The following SERPINA3 variants were observed in gnomAD, a reference collection of about 807,000 sequenced individuals.
SERPINA3 encodes the protein alpha-1-antichymotrypsin.
In SERPINA3, 32 loss-of-function variants were observed where a neutral mutation model predicts 26.8. The ratio of observed to expected loss-of-function variants is 1.20; its 90% CI spans 0.90 to 1.61. The LOEUF (loss-of-function observed/expected upper bound fraction) is 1.61. SERPINA3 is among the 40% of genes most tolerant of loss of function. The pLI is 0.00. For synonymous variants in SERPINA3, 252 were observed against 206.4 expected (o/e 1.22, Z -1.89); for missense variants, 632 against 517.9 (o/e 1.22, Z -2.14).
chr14:94,618,022 CT>C (rs1407542607), intron 2 of SERPINA3: 4 of 152,128 alleles, frequency 2.6e-5, no homozygotes, highest in Non-Finnish European at 5.9e-5. Context: ...TTCCTGACCC[CT>C]GTTCTAGGGG....
intron 4 of SERPINA3, chr14:94,622,728 G>A: frequency 1.7e-6 from 1 of 579,014 alleles, no homozygotes; most frequent in South Asian, 1.9e-5. Context: ...GAATCAGAGA[G>A]CCATGGACAC....
chr14:94,619,136 G>A, intron 2 of SERPINA3, 59 bp from the exon 3 acceptor site: 7 of 1,602,160 alleles, frequency 4.4e-6, no homozygotes, highest in Non-Finnish European at 6.0e-6. Flanking sequence ...TGCGGAAGCA[G>A]GGTCGAGCAG....
chr14:94,620,998 C>A (rs1448446455), intron 3 of SERPINA3, among the ~76,000 whole-genome samples: 3 of 152,164 alleles, frequency 2.0e-5, no homozygotes, highest in Non-Finnish European at 4.4e-5. Flanking sequence ...CCTGTTTTCA[C>A]TGGGTGATTG....
rs1484156842 is a variant in SERPINA3, at chr14:94,614,523, C to A, written c.82C>A (p.Pro28Thr). ...CPAVLCHPNS[P>T]LDEENLTQEN... The stretch of plus-strand genomic sequence containing the variant: ...TGCTGTCCTCTGCCACCCTAACAGC[C>A]CACTTGACGAGGAGAATCTGACCCA... The change falls in exon 2 of 5, where the codon CCA (proline) becomes ACA (threonine). Residue 28 changes from proline to threonine, a missense_variant. Coordinates refer to ENST00000393078, the MANE Select transcript of SERPINA3 (RefSeq NM_001085.5). 6.2e-7 allele frequency: 1 copy of A among 1,613,934 alleles called. No individual in the cohort carries two copies. Among genetic ancestry groups the A allele is most frequent in the Non-Finnish European group, 8.5e-7 (1 of 1,179,832 alleles).
At chr14:94,622,271 G>T (rs2139965156) in intron 3 of SERPINA3, 70 bp from the exon 4 acceptor site, 2 of 1,448,210 alleles carry the variant, frequency 1.4e-6, no homozygotes, top group Non-Finnish European at 1.9e-6. Flanking sequence ...GGAAGACCAT[G>T]CTGCGAGGTG....
chr14:94,615,127 G>A (rs188321980), intron 2 of SERPINA3, 43 bp downstream of exon 2: 27 of 1,603,272 alleles, frequency 1.7e-5, no homozygotes, highest in Non-Finnish European at 2.2e-5. Context: ...TGGATCTCAG[G>A]GCCATTTCTG....
At chr14:94,613,157 CTCCCCTCCT>C (rs543683318) in intron 1 of SERPINA3, among the ~76,000 whole-genome samples, 2,270 of 150,728 alleles carry the variant, frequency 0.015, 43 homozygotes, top group African/African-American at 0.05. Flanking sequence ...TTCCACTGGC[CTCCCCTCCT>C]TCCCCTCCTT....
At chr14:94,619,050 C>T in intron 2 of SERPINA3, 145 bp from the exon 3 acceptor site, 2 of 903,448 alleles carry the variant, frequency 2.2e-6, no homozygotes, top group South Asian at 1.3e-5. Context: ...CCCCCAATAA[C>T]TTTTACTCTT....
Position 94,623,991 on chromosome 14 carries a change from C to A in SERPINA3, c.*177C>A, listed in dbSNP as rs1886304644. ...TGTGTAGCTCTCACATGCACAGGGG[C>A]CCATGGACTCTTCAGTCTGGAGGGT... On this transcript the variant is annotated 3_prime_UTR_variant, in exon 5 of 5. Transcript: ENST00000393078. 1 of 668,500 alleles carries A rather than the reference C, an allele frequency of 1.5e-6. No homozygotes were observed. Among genetic ancestry groups the A allele is most frequent in the Admixed American group, 2.2e-5 (1 of 45,044 alleles). 41.4% of individuals were successfully genotyped at this position (668,500 alleles called of 1,614,324 possible).
chr14:94,622,404 AC>A lies in SERPINA3; in HGVS notation c.982del (p.Leu328PhefsTer25), dbSNP rs1237534690. 2 of 1,613,824 alleles carry A rather than the reference AC, an allele frequency of 1.2e-6. No individual in the cohort carries two copies. The highest frequency in any genetic ancestry group is 2.7e-5 in the African/African-American group (2 of 74,818). On this transcript the variant is annotated frameshift_variant, in exon 4 of 5. Transcript: ENST00000393078. LOFTEE classifies it high-confidence loss of function. ...ISRDYNLNDI[L>X]LQLGIEEAFT... ...CGAGGGACTATAACCTGAACGACAT[AC>A]TTCTCCAGCTGGGCATTGAGGAAGC...
intron 2 of SERPINA3, chr14:94,617,767 T>G (rs747368383): frequency 6.6e-6 from 1 of 152,226 alleles, no homozygotes; most frequent in Non-Finnish European, 1.5e-5. Context: ...GGTGAAAGAT[T>G]GTGGAGCCCA....
chr14:94,615,754 C>T (rs1885971834), intron 2 of SERPINA3, among the ~76,000 whole-genome samples: 1 of 152,208 alleles, frequency 6.6e-6, no homozygotes. Flanking sequence ...TGACCCTTTG[C>T]CAGATTCTAA....
chr14:94,622,004 C>T (rs10139920), intron 3 of SERPINA3, among the ~76,000 whole-genome samples: 496 of 152,324 alleles, frequency 3.3e-3, no homozygotes, highest in African/African-American at 0.011. Context: ...GCAGCTGGCC[C>T]AGCCCAGGCT....
At position 94,619,141 on chromosome 14, in the gene SERPINA3, G is replaced by A. The variant is rs143916310; in HGVS notation, c.644-54G>A. 2.7e-4 allele frequency: 428 copies of A among 1,608,230 alleles called. No individual in the cohort carries two copies. The African/African-American group carries it at 5.0e-3, about 19-fold the overall frequency. ...CTTCCACTGCTGCGGAAGCAGGGTC[G>A]AGCAGGGCGACCCTTGCACTCACAC... On this transcript the variant is annotated intron_variant, in intron 2 of 4. Coordinates refer to ENST00000393078, the MANE Select transcript of SERPINA3 (RefSeq NM_001085.5).
intron 3 of SERPINA3, chr14:94,619,995 G>A (rs1231678664): frequency 4.9e-6 from 1 of 203,468 alleles, no homozygotes; most frequent in African/African-American, 2.3e-5. Flanking sequence ...ATTTGTAATT[G>A]GAGAGGGGAC....
Position 94,622,382 on chromosome 14 carries a change from G to A in SERPINA3, c.959G>A (p.Arg320Lys), listed in dbSNP as rs1566848631. 6.2e-7 allele frequency: 1 copy of A among 1,614,050 alleles called. No homozygotes were observed. The highest frequency in any genetic ancestry group is 8.5e-7 in the Non-Finnish European group (1 of 1,180,022). The change falls in exon 4 of 5, where the codon AGG becomes AAG. Residue 320 changes from arginine (R) to lysine (K), a missense_variant. Physicochemically the swap from Arg to Lys is conservative, Grantham distance 26. Transcript: ENST00000393078. ...TACCTGCCAAAGTTTTCCATCTCGA[G>A]GGACTATAACCTGAACGACATACTT... is the stretch of plus-strand genomic sequence containing the variant. ...ELYLPKFSISRDYNLNDILLQ... is the reference protein window; with the variant it reads ...ELYLPKFSISKDYNLNDILLQ...
intron 2 of SERPINA3, 87 bp downstream of exon 2, chr14:94,615,171 A>G: frequency 1.4e-6 from 2 of 1,456,602 alleles, no homozygotes; most frequent in Non-Finnish European, 1.9e-6. Context: ...TAGGCAAACC[A>G]CTGTAGAGGA....
chr14:94,613,352 A>G (rs1885856695), intron 1 of SERPINA3: 1 of 151,616 alleles, frequency 6.6e-6, no homozygotes, highest in South Asian at 2.1e-4. Flanking sequence ...TCTAGGACTG[A>G]GTGGGCGGAG....
chr14:94,621,769 G>A (rs1886211155), intron 3 of SERPINA3, among the ~76,000 whole-genome samples: 1 of 152,066 alleles, frequency 6.6e-6, no homozygotes, highest in African/African-American at 2.4e-5. Context: ...CTGGCTCCTG[G>A]CCCACCTCAT....
Sources: allele counts gnomAD v4.1 joint callset (sites outside exome capture counted in the v4.1 genomes callset), GRCh38; gene constraint gnomAD v4.1.1; transcripts MANE v1.5; gene names NCBI Gene and HGNC (gene_info 2026-07-23, HGNC 2026-07-21).